The following UBOX5 variants were observed in gnomAD, a reference collection of about 807,000 sequenced individuals.
The protein encoded by UBOX5 is RING finger protein 37.
UBOX5 carries 28 observed loss-of-function variants against 39.0 expected under a neutral mutation model. That is an observed-to-expected ratio of 0.72 (90% CI 0.53 to 0.98). The LOEUF is 0.98. Ranked by LOEUF, UBOX5 falls within the 50% of genes least tolerant of loss-of-function variation. UBOX5 has a pLI of 0.00. For synonymous variants in UBOX5, 283 were observed against 275.5 expected, an observed-to-expected ratio of 1.03 and a Z score of -0.27; for missense variants, 585 against 674.4, an observed-to-expected ratio of 0.87 and a Z score of 1.47.
chr20:3,113,249 T>C (rs2066267746), intron 4 of UBOX5, among the ~76,000 whole-genome samples: 2 of 148,750 alleles, frequency 1.3e-5, no homozygotes, highest in South Asian at 2.1e-4. Context: ...GATTGCGCCA[T>C]TGTACTCTAG....
Position 3,122,816 on chromosome 20 carries a change from G to T in UBOX5, c.55-232C>A, listed in dbSNP as rs535316209. Among the ~76,000 whole-genome samples the T allele has an allele frequency of 5.3e-5, 8 of 152,120 alleles. No individual in the cohort carries two copies. The East Asian group carries it at 1.2e-3, about 22-fold the overall frequency. On this transcript the variant is annotated intron_variant, in intron 2 of 4. Transcript: ENST00000217173. ...ATGAGCAACTGAGCTGGGCATGTTG[G>T]TACACACCTGTAGTCCCAGCTACTC...
intron 1 of UBOX5, among the ~76,000 whole-genome samples, chr20:3,153,888 A>AT (rs200828930): frequency 9.3e-5 from 14 of 150,996 alleles, no homozygotes; most frequent in African/African-American, 1.7e-4. Context: ...TACTCCAATC[A>AT]TTTTTTTTTC....
chr20:3,110,557 G>A, intron 4 of UBOX5: 5 of 533,546 alleles, frequency 9.4e-6, no homozygotes, highest in Middle Eastern at 5.2e-4. Flanking sequence ...GAGAAGAGCT[G>A]GCTTCTGAGG....
At position 3,122,126 on chromosome 20, in the gene UBOX5, G is replaced by A. The variant is rs144172852; in HGVS notation, c.513C>T (p.Ala171=). The change falls in exon 3 of 5, where the codon GCC becomes GCT. Residue 171 remains alanine (A), a synonymous_variant. Transcript: ENST00000217173. Reference sequence around the variant, plus strand: ...CATGGGTGATACAGATCCTTAAGTGGGCCACGTGGCTAAGGGAAAGAGCCC... The same window carrying A: ...CATGGGTGATACAGATCCTTAAGTGAGCCACGTGGCTAAGGGAAAGAGCCC... ...NKGALSLSHV[A]HLRICITHVT... The A allele has an allele frequency of 3.8e-5, 61 of 1,614,252 alleles. No homozygotes were observed. The highest frequency in any genetic ancestry group is 4.8e-5 in the Non-Finnish European group (57 of 1,180,054).
At chr20:3,128,737 C>A (rs2066408431) in intron 1 of UBOX5, among the ~76,000 whole-genome samples, 1 of 152,174 alleles carries the variant, frequency 6.6e-6, no homozygotes, top group Non-Finnish European at 1.5e-5. Context: ...GTAGCACACA[C>A]CTCTAGTCCC....
chr20:3,127,275 C>A (rs1317232268), intron 1 of UBOX5, among the ~76,000 whole-genome samples: 1 of 152,080 alleles, frequency 6.6e-6, no homozygotes, highest in Non-Finnish European at 1.5e-5. Context: ...ATAGGGTCAC[C>A]CTCTGGGCCC....
intron 1 of UBOX5, among the ~76,000 whole-genome samples, chr20:3,151,469 C>G (rs2066624160): frequency 6.6e-6 from 1 of 152,116 alleles, no homozygotes; most frequent in African/African-American, 2.4e-5. Context: ...CTCTGCTACA[C>G]ACTATTTCTA....
chr20:3,126,379 G>A (rs550805649), intron 1 of UBOX5, among the ~76,000 whole-genome samples: 46 of 152,104 alleles, frequency 3.0e-4, no homozygotes, highest in Admixed American at 9.8e-4. Context: ...GCGGAAGGCC[G>A]CAGGGACCTC....
At chr20:3,141,462 C>T (rs1289464116) in intron 1 of UBOX5, among the ~76,000 whole-genome samples, 2 of 151,122 alleles carry the variant, frequency 1.3e-5, no homozygotes, top group African/African-American at 4.9e-5. Flanking sequence ...CCAGCCTGAC[C>T]AACATGGAGA....
chr20:3,118,159 C>CA (rs1043493564), intron 3 of UBOX5, among the ~76,000 whole-genome samples: 2 of 147,174 alleles, frequency 1.4e-5, no homozygotes, highest in Non-Finnish European at 3.0e-5. Context: ...AGACTGTTTC[C>CA]AAAAAAACAA....
intron 1 of UBOX5, chr20:3,148,408 G>A: frequency 6.2e-7 from 1 of 1,614,096 alleles, no homozygotes; most frequent in Non-Finnish European, 8.5e-7. Flanking sequence ...GCATTGAATG[G>A]GAGTGAGGGA....
intron 1 of UBOX5, among the ~76,000 whole-genome samples, chr20:3,128,687 C>A (rs1188790962): frequency 5.9e-5 from 9 of 152,066 alleles, no homozygotes. Context: ...CACAGCAAGA[C>A]CCCGTCTCTA....
At chr20:3,127,385 C>T (rs575213805) in intron 1 of UBOX5, among the ~76,000 whole-genome samples, 72 of 152,308 alleles carry the variant, frequency 4.7e-4, no homozygotes, top group African/African-American at 1.7e-3. Context: ...GAAGATCTGT[C>T]ATGGGCCTTG....
At position 3,122,242 on chromosome 20, in the gene UBOX5, G is replaced by A. The variant is rs1369860489; in HGVS notation, c.397C>T (p.His133Tyr). 6.2e-7 allele frequency: 1 copy of A among 1,614,258 alleles called. No individual in the cohort carries two copies. Residue 133 changes from histidine to tyrosine, a missense_variant, in exon 3 of 5, where the codon CAC becomes TAC. Physicochemically the swap from His to Tyr is moderately conservative, Grantham distance 83. Coordinates refer to ENST00000217173, the MANE Select transcript of UBOX5 (RefSeq NM_014948.4). ...LKNQSQVVFSHRGFKARPPFG... is the reference protein window; with the variant it reads ...LKNQSQVVFSYRGFKARPPFG... ...GGGGGCCTGGCCTTGAAGCCCCTGT[G>A]GCTAAACACCACTTGGCTCTGGTTT...
chr20:3,155,068 A>AAAAG (rs2066670478), intron 1 of UBOX5, among the ~76,000 whole-genome samples: 1 of 132,072 alleles, frequency 7.6e-6, no homozygotes, highest in Admixed American at 8.5e-5. Flanking sequence ...AAAAAAAAAA[A>AAAAG]AAAAGAAAAG....
intron 1 of UBOX5, among the ~76,000 whole-genome samples, chr20:3,137,342 C>G (rs1284540224): frequency 6.6e-6 from 1 of 152,202 alleles, no homozygotes; most frequent in Non-Finnish European, 1.5e-5. Flanking sequence ...ATCCCACATA[C>G]TCTTTCAGGC....
At chr20:3,121,355 C>T (rs199680906) in intron 3 of UBOX5, 29 bp downstream of exon 3, 14 of 1,581,334 alleles carry the variant, frequency 8.9e-6, no homozygotes, top group South Asian at 3.5e-5. Context: ...ATGGATGAGC[C>T]TGGCTGCGGA....
chr20:3,154,589 G>A (rs2066665367), intron 1 of UBOX5, among the ~76,000 whole-genome samples: 1 of 152,078 alleles, frequency 6.6e-6, no homozygotes, highest in East Asian at 1.9e-4. Context: ...AGGTAGAAGT[G>A]GGAAGGTTGC....
chr20:3,136,050 A>G (rs1334931577), intron 1 of UBOX5: 4 of 152,184 alleles, frequency 2.6e-5, no homozygotes, highest in Non-Finnish European at 4.4e-5. Flanking sequence ...ACCCTTCAAG[A>G]GGTCAATTTC....
Sources: allele counts gnomAD v4.1 joint callset (sites outside exome capture counted in the v4.1 genomes callset), GRCh38; gene constraint gnomAD v4.1.1; transcripts MANE v1.5; gene names NCBI Gene and HGNC (gene_info 2026-07-23, HGNC 2026-07-21).